Variants in SYNDIG1 observed in about 807,000 individuals in gnomAD.
SYNDIG1 encodes synapse differentiation inducing 1, also known as synapse differentiation-inducing gene protein 1.
SYNDIG1 carries 9 observed loss-of-function variants against 19.4 expected under a neutral mutation model. That is an observed-to-expected ratio of 0.46 (90% CI 0.28 to 0.81). The LOEUF is 0.81. SYNDIG1 is among the 30% of genes least tolerant of loss of function. SYNDIG1 has a pLI of 0.12. For synonymous variants in SYNDIG1, 141 were observed against 145.9 expected (o/e 0.97, Z 0.24); for missense variants, 311 against 343.3 (o/e 0.91, Z 0.74).
At chr20:24,497,883 A>G (rs780728817) in intron 1 of SYNDIG1, among the ~76,000 whole-genome samples, 1 of 152,200 alleles carries the variant, frequency 6.6e-6, no homozygotes, top group Non-Finnish European at 1.5e-5. Context: ...CCTGAAGGAG[A>G]TGGAAAACAA....
intron 3 of SYNDIG1, among the ~76,000 whole-genome samples, chr20:24,585,202 G>A (rs1424427493): frequency 6.6e-6 from 1 of 152,234 alleles, no homozygotes; most frequent in Non-Finnish European, 1.5e-5. Context: ...CACCCCAGAT[G>A]CAGCTGTGTC....
At chr20:24,559,103 T>C (rs180725865) in intron 2 of SYNDIG1, among the ~76,000 whole-genome samples, 18 of 152,204 alleles carry the variant, frequency 1.2e-4, no homozygotes, top group Admixed American at 3.9e-4. Flanking sequence ...TAATGGATAA[T>C]TGGATTTTTT....
chr20:24,574,329 A>G (rs2058193030), intron 2 of SYNDIG1, among the ~76,000 whole-genome samples: 1 of 151,744 alleles, frequency 6.6e-6, no homozygotes, highest in South Asian at 2.1e-4. Context: ...AACCTAAAAA[A>G]AAAAAAAAAA....
chr20:24,590,767 A>G (rs925685948), intron 3 of SYNDIG1, among the ~76,000 whole-genome samples: 1 of 152,114 alleles, frequency 6.6e-6, no homozygotes, highest in South Asian at 2.1e-4. Context: ...CTCCAGGGAG[A>G]CGTCTGGGCC....
intron 3 of SYNDIG1, among the ~76,000 whole-genome samples, chr20:24,653,639 T>G (rs1003981867): frequency 6.6e-6 from 1 of 152,224 alleles, no homozygotes; most frequent in Non-Finnish European, 1.5e-5. Flanking sequence ...GGCAGGAAGT[T>G]AGGGGATTTA....
chr20:24,530,398 A>G (rs1055998924), intron 1 of SYNDIG1, among the ~76,000 whole-genome samples: 2 of 152,192 alleles, frequency 1.3e-5, no homozygotes, highest in African/African-American at 2.4e-5. Flanking sequence ...GCATTTTGCA[A>G]TTGTAATGTG....
rs116240398 is a variant in SYNDIG1 at position 24,611,464 on chromosome 20, C to T, written c.618+26471C>T. Among the ~76,000 whole-genome samples the T allele has an allele frequency of 8.6e-3, 1,313 of 152,282 alleles. 26 individuals are homozygous for T. The highest frequency in any genetic ancestry group is 0.03 in the African/African-American group (1,226 of 41,548). ...AGCACCTTTGCTGGAGGCTGGTGGC[C>T]CTTGCAACTCAGCTTAGGGCTCTAC... On this transcript the variant is annotated intron_variant, in intron 3 of 3. Transcript: ENST00000376862.
intron 3 of SYNDIG1, among the ~76,000 whole-genome samples, chr20:24,640,124 A>G (rs1227139324): frequency 3.3e-5 from 5 of 152,242 alleles, no homozygotes; most frequent in South Asian, 2.1e-4. Context: ...ACTTGAGGTC[A>G]GGAGTTCGAG....
chr20:24,588,280 C>T (rs2058450136), intron 3 of SYNDIG1, among the ~76,000 whole-genome samples: 1 of 152,168 alleles, frequency 6.6e-6, no homozygotes, highest in African/African-American at 2.4e-5. Context: ...GGTCCAGAGG[C>T]CAAGGAACAC....
chr20:24,489,227 CAT>C (rs1342494159), intron 1 of SYNDIG1, among the ~76,000 whole-genome samples: 5 of 152,292 alleles, frequency 3.3e-5, no homozygotes, highest in Admixed American at 1.3e-4. Flanking sequence ...TGCACACCGA[CAT>C]GTAGATACAT....
intron 2 of SYNDIG1, among the ~76,000 whole-genome samples, chr20:24,577,153 C>T (rs557812036): frequency 3.3e-5 from 5 of 152,340 alleles, no homozygotes; most frequent in African/African-American, 9.6e-5. Context: ...CACTCTGGAA[C>T]CCCCAGATCT....
chr20:24,565,112 C>A (rs2058021140), intron 2 of SYNDIG1, among the ~76,000 whole-genome samples: 1 of 152,150 alleles, frequency 6.6e-6, no homozygotes, highest in Non-Finnish European at 1.5e-5. Context: ...CTCAAATTCC[C>A]ATGTAGGCAA....
chr20:24,507,127 C>T (rs1334125633), intron 1 of SYNDIG1, among the ~76,000 whole-genome samples: 1 of 152,162 alleles, frequency 6.6e-6, no homozygotes, highest in Non-Finnish European at 1.5e-5. Context: ...CAGCCGTTCC[C>T]AGCTGGGCAA....
intron 2 of SYNDIG1, among the ~76,000 whole-genome samples, chr20:24,552,838 C>G (rs2146807767): frequency 6.6e-6 from 1 of 152,286 alleles, no homozygotes; most frequent in African/African-American, 2.4e-5. Context: ...AATGGGATGG[C>G]TGGGTCAAAT....
chr20:24,525,431 C>T (rs775834796), intron 1 of SYNDIG1, among the ~76,000 whole-genome samples: 7 of 151,800 alleles, frequency 4.6e-5, no homozygotes, highest in Non-Finnish European at 8.8e-5. Context: ...ATTACAGGCA[C>T]ACACCACCAT....
chr20:24,627,560 T>A (rs1288204059), intron 3 of SYNDIG1, among the ~76,000 whole-genome samples: 6 of 152,238 alleles, frequency 3.9e-5, no homozygotes, highest in Non-Finnish European at 7.3e-5. Context: ...AAAGGATATT[T>A]TTCCTGCACT....
At chr20:24,511,618 C>T (rs1180769336) in intron 1 of SYNDIG1, among the ~76,000 whole-genome samples, 1 of 152,144 alleles carries the variant, frequency 6.6e-6, no homozygotes, top group Non-Finnish European at 1.5e-5. Context: ...GGACTGGCTT[C>T]TCTCCCCACA....
intron 3 of SYNDIG1, among the ~76,000 whole-genome samples, chr20:24,627,788 G>A (rs969348729): frequency 2.6e-5 from 4 of 152,246 alleles, no homozygotes; most frequent in African/African-American, 9.6e-5. Context: ...GGAGAACAAG[G>A]TTGGGGGAAC....
At chr20:24,612,127 A>T (rs546491112) in intron 3 of SYNDIG1, among the ~76,000 whole-genome samples, 2 of 152,360 alleles carry the variant, frequency 1.3e-5, no homozygotes, top group East Asian at 1.9e-4. Flanking sequence ...ACCTGCCACC[A>T]TTGTGTGCTG....
Sources: allele counts gnomAD v4.1 joint callset (sites outside exome capture counted in the v4.1 genomes callset), GRCh38; gene constraint gnomAD v4.1.1; transcripts MANE v1.5; gene names NCBI Gene and HGNC (gene_info 2026-07-23, HGNC 2026-07-21).